Variants in ADARB2 observed in about 807,000 individuals in gnomAD.
ADARB2 encodes inactive double-stranded RNA-specific editase B2.
ADARB2 carries 25 observed loss-of-function variants against 62.2 expected under a neutral mutation model. That is an observed-to-expected ratio of 0.40 (90% CI 0.29 to 0.56). The LOEUF (loss-of-function observed/expected upper bound fraction) is 0.56. Ranked by LOEUF, ADARB2 falls within the 20% of genes least tolerant of loss-of-function variation. The pLI, the probability that ADARB2 is intolerant of heterozygous loss-of-function variation, is 0.43. For missense variants in ADARB2, 1,071 were observed against 1,077.4 expected (o/e 0.99, Z 0.08); for synonymous variants, 572 against 500.8 (o/e 1.14, Z -1.90).
At chr10:1,501,764 T>G (rs1384803905) in intron 1 of ADARB2, among the ~76,000 whole-genome samples, 1 of 152,228 alleles carries the variant, frequency 6.6e-6, no homozygotes, top group East Asian at 1.9e-4. Context: ...TAAATATCAT[T>G]TCTCCCCACT....
intron 1 of ADARB2, among the ~76,000 whole-genome samples, chr10:1,607,622 C>T (rs962955034): frequency 6.6e-6 from 1 of 152,200 alleles, no homozygotes; most frequent in African/African-American, 2.4e-5. Context: ...GCCATTCACT[C>T]CTCCAGTAAA....
chr10:1,575,952 G>A, intron 1 of ADARB2, among the ~76,000 whole-genome samples: 1 of 37,248 alleles, frequency 2.7e-5, no homozygotes, highest in Non-Finnish European at 6.4e-5. Context: ...AAAGCGCATG[G>A]GAGGGGTACT....
At chr10:1,476,788 G>A (rs6560738) in intron 1 of ADARB2, among the ~76,000 whole-genome samples, 37,193 of 152,006 alleles carry the variant, frequency 0.24, 4,693 homozygotes, top group East Asian at 0.47. Flanking sequence ...CAAGTCACCC[G>A]AGGCCAGCTG....
intron 1 of ADARB2, chr10:1,557,086 G>A (rs996015089): frequency 2.0e-5 from 7 of 347,642 alleles, no homozygotes; most frequent in African/African-American, 4.3e-5. Flanking sequence ...ACTGTCCGAG[G>A]GTACCTCTTT....
At chr10:1,587,969 T>A (rs1007755036) in intron 1 of ADARB2, among the ~76,000 whole-genome samples, 1 of 152,126 alleles carries the variant, frequency 6.6e-6, no homozygotes, top group Non-Finnish European at 1.5e-5. Context: ...GAACTGTGAG[T>A]CCATTAAGTG....
intron 1 of ADARB2, among the ~76,000 whole-genome samples, chr10:1,459,782 C>G (rs1308789943): frequency 1.3e-5 from 2 of 152,128 alleles, no homozygotes; most frequent in South Asian, 2.1e-4. Flanking sequence ...AATGATGAAG[C>G]CACATGGACT....
At chr10:1,542,633 C>T (rs1832447166) in intron 1 of ADARB2, among the ~76,000 whole-genome samples, 1 of 34,812 alleles carries the variant, frequency 2.9e-5, no homozygotes, top group Non-Finnish European at 6.7e-5. Context: ...CCGCCCAGAC[C>T]CCACTCAGAC....
intron 1 of ADARB2, among the ~76,000 whole-genome samples, chr10:1,408,471 T>C (rs1755933985): frequency 6.6e-6 from 1 of 152,134 alleles, no homozygotes; most frequent in African/African-American, 2.4e-5. Flanking sequence ...AGAAATGCAA[T>C]AGCTGAGCGA....
chr10:1,242,802 C>T (rs1830940403), intron 4 of ADARB2, among the ~76,000 whole-genome samples: 1 of 152,126 alleles, frequency 6.6e-6, no homozygotes, highest in African/African-American at 2.4e-5. Context: ...ACCTGTCATA[C>T]TAACACAGAA....
intron 1 of ADARB2, among the ~76,000 whole-genome samples, chr10:1,639,286 C>T (rs1833951028): frequency 6.6e-6 from 1 of 152,240 alleles, no homozygotes; most frequent in Non-Finnish European, 1.5e-5. Context: ...CTGCATGGTT[C>T]TTCCTAGAGC....
At position 1,629,251 on chromosome 10, in the gene ADARB2, TG is replaced by T. The variant is rs1833813360; in HGVS notation, c.100+107799del. Among the ~76,000 whole-genome samples the T allele has an allele frequency of 2.0e-5, 3 of 152,244 alleles. No individual in the cohort carries two copies. In the South Asian group the frequency reaches 6.2e-4, roughly 32 times the overall value. ...CCAGGGAATTGGACTCCCTGGTGAG[TG>T]ATGAGCCAGGGCACAGTTTCTACCT... On this transcript the variant is annotated intron_variant, in intron 1 of 9. Transcript: ENST00000381312.
intron 1 of ADARB2, among the ~76,000 whole-genome samples, chr10:1,649,108 C>T (rs1014208461): frequency 3.9e-5 from 6 of 152,186 alleles, no homozygotes; most frequent in East Asian, 1.9e-4. Flanking sequence ...TGCACAGGCA[C>T]GGACCTCAGA....
intron 1 of ADARB2, among the ~76,000 whole-genome samples, chr10:1,417,482 AG>A (rs1253694672): frequency 6.6e-6 from 1 of 152,214 alleles, no homozygotes; most frequent in Non-Finnish European, 1.5e-5. Context: ...AGAAGGATGA[AG>A]GGTTGTGGAA....
chr10:1,363,371 G>A lies in ADARB2; in HGVS notation c.734C>T (p.Ala245Val). The change falls in exon 3 of 10, where the codon GCG becomes GTG. Residue 245 changes from alanine to valine, a missense_variant. Coordinates refer to ENST00000381312, the MANE Select transcript of ADARB2 (RefSeq NM_018702.4). ...TCGCCCGTAGGCCGCGGACAGAAGC[G>A]CGGCGTCCCCGGGGCGGCCTCCCGC... ...GLAGGRPGDA[A>V]LLSAAYGRRR... The A allele has an allele frequency of 1.5e-6, 2 of 1,318,504 alleles. No individual in the cohort carries two copies. Among genetic ancestry groups the A allele is most frequent in the Non-Finnish European group, 1.9e-6 (2 of 1,033,912 alleles). 81.7% of individuals were successfully genotyped at this position (1,318,504 alleles called of 1,614,324 possible). A position where few individuals can be genotyped will look rare whatever the true frequency, so the allele number is the denominator to read the frequency against.
chr10:1,221,695 G>A (rs529065298), intron 6 of ADARB2, among the ~76,000 whole-genome samples: 11 of 151,750 alleles, frequency 7.2e-5, no homozygotes, highest in African/African-American at 2.7e-4. Flanking sequence ...GCGATAGTTT[G>A]CTGAGAATGA....
chr10:1,243,427 G>A (rs965367662), intron 4 of ADARB2, among the ~76,000 whole-genome samples: 2 of 152,234 alleles, frequency 1.3e-5, no homozygotes, highest in East Asian at 3.8e-4. Context: ...TTAATGTCAC[G>A]CCAGAAGCAG....
rs537083652 is a variant in ADARB2, at chr10:1,485,518, G to A, written c.101-106358C>T. Among the ~76,000 whole-genome samples the A allele has an allele frequency of 2.3e-4, 35 of 152,200 alleles. No individual in the cohort carries two copies. In the South Asian group the frequency reaches 4.1e-3, roughly 18 times the overall value. On this transcript the variant is annotated intron_variant, in intron 1 of 9. Transcript: ENST00000381312. ...CAGCCTGCATCAACAACTCTCACCCGCCAGTCTCTGGCCGCTGCCCACTTG... is the reference window on the plus strand; with the variant it reads ...CAGCCTGCATCAACAACTCTCACCCACCAGTCTCTGGCCGCTGCCCACTTG...
At chr10:1,635,681 G>A (rs1042038604) in intron 1 of ADARB2, among the ~76,000 whole-genome samples, 53 of 152,274 alleles carry the variant, frequency 3.5e-4, no homozygotes, top group African/African-American at 1.2e-3. Context: ...GGAACTGGCT[G>A]GCCACATTTC....
intron 1 of ADARB2, among the ~76,000 whole-genome samples, chr10:1,395,253 T>C (rs1832601365): frequency 6.6e-6 from 1 of 152,178 alleles, no homozygotes; most frequent in Non-Finnish European, 1.5e-5. Context: ...CGACAGCTGA[T>C]GACACCGTCT....
Sources: gnomAD v4.1 joint callset for allele counts (sites outside exome capture counted in the v4.1 genomes callset) on GRCh38, gnomAD v4.1.1 for gene constraint, MANE v1.5 for transcripts, NCBI Gene and HGNC (gene_info 2026-07-23, HGNC 2026-07-21) for gene names.